The following GABRG3 variants were observed in gnomAD, a reference collection of about 807,000 sequenced individuals.
GABRG3 encodes the protein gamma-aminobutyric acid type A receptor subunit gamma3.
GABRG3 carries 25 observed loss-of-function variants against 48.8 expected under a neutral mutation model. That is an observed-to-expected ratio of 0.51 (90% confidence interval 0.37 to 0.72). GABRG3 has a LOEUF of 0.72. Ranked by LOEUF, GABRG3 falls within the 30% of genes least tolerant of loss-of-function variation. The pLI is 0.00. For missense variants in GABRG3, 394 were observed against 577.9 expected (o/e 0.68, Z 3.26); for synonymous variants, 227 against 217.6 (o/e 1.04, Z -0.38).
At chr15:27,138,265 A>T (rs2140387755) in intron 3 of GABRG3, among the ~76,000 whole-genome samples, 1 of 152,312 alleles carries the variant, frequency 6.6e-6, no homozygotes, top group East Asian at 1.9e-4. Flanking sequence ...TGGGTTAGTC[A>T]TGCCCCTTTT....
intron 3 of GABRG3, among the ~76,000 whole-genome samples, chr15:27,318,111 A>G (rs1893295089): frequency 6.6e-6 from 1 of 152,098 alleles, no homozygotes; most frequent in Non-Finnish European, 1.5e-5. Context: ...GCCCCATTCT[A>G]ATGCTCTCAT....
intron 5 of GABRG3, among the ~76,000 whole-genome samples, chr15:27,469,736 G>A (rs1333869134): frequency 5.9e-5 from 9 of 152,150 alleles, no homozygotes; most frequent in Non-Finnish European, 1.2e-4. Flanking sequence ...AGGTTTGGCT[G>A]ACTATATTCT....
rs78187203 is a variant in GABRG3, at chr15:27,174,341, A to G, written c.270+147520A>G. ...CTCATGGTATCATTTAACTTGTTCT[A>G]TTCCCCACATTTTCTGCATTTCATA... On this transcript the variant is annotated intron_variant, in intron 3 of 9. Coordinates refer to ENST00000615808, the MANE Select transcript of GABRG3 (RefSeq NM_033223.5). Among the ~76,000 whole-genome samples, 1,203 of 152,258 alleles carry G rather than the reference A, an allele frequency of 7.9e-3. 16 individuals are homozygous for G. The highest frequency in any genetic ancestry group is 0.028 in the African/African-American group (1,153 of 41,540).
intron 3 of GABRG3, among the ~76,000 whole-genome samples, chr15:27,035,335 A>G (rs1355112512): frequency 6.6e-6 from 1 of 152,206 alleles, no homozygotes; most frequent in Non-Finnish European, 1.5e-5. Flanking sequence ...ATTTAGGGAC[A>G]CTGAGATGTC....
chr15:27,283,642 C>T (rs1006981949), intron 3 of GABRG3, among the ~76,000 whole-genome samples: 1 of 152,056 alleles, frequency 6.6e-6, no homozygotes, highest in Non-Finnish European at 1.5e-5. Flanking sequence ...GCTATTTTTT[C>T]CCATTCCTTT....
chr15:27,506,900 G>A (rs568230064), intron 6 of GABRG3, among the ~76,000 whole-genome samples: 7 of 151,050 alleles, frequency 4.6e-5, no homozygotes, highest in Middle Eastern at 3.4e-3. Flanking sequence ...TCTTAAGGTG[G>A]TAGCTTAGAT....
chr15:26,971,748 C>T (rs1172866089), intron 1 of GABRG3, among the ~76,000 whole-genome samples, 160 bp downstream of exon 1: 1 of 152,184 alleles, frequency 6.6e-6, no homozygotes, highest in Non-Finnish European at 1.5e-5. Context: ...TCACCTGTCC[C>T]AGCTCCCTTG....
intron 3 of GABRG3, among the ~76,000 whole-genome samples, chr15:27,307,044 CAT>C (rs1405318088): frequency 8.8e-6 from 1 of 114,160 alleles, no homozygotes; most frequent in Non-Finnish European, 1.7e-5. Context: ...ATAAAATAAA[CAT>C]GTTTATATAT....
At chr15:26,997,022 CTG>C (rs1566903967) in intron 2 of GABRG3, among the ~76,000 whole-genome samples, 2 of 152,090 alleles carry the variant, frequency 1.3e-5, no homozygotes, top group African/African-American at 4.8e-5. Flanking sequence ...TCCTTTTTCT[CTG>C]TGTTTCAGAT....
At chr15:27,343,844 T>A (rs1014069287) in intron 5 of GABRG3, among the ~76,000 whole-genome samples, 1 of 152,258 alleles carries the variant, frequency 6.6e-6, no homozygotes, top group African/African-American at 2.4e-5. Context: ...AACAATCCAA[T>A]TATTATTTTT....
chr15:27,308,592 A>G lies in GABRG3; in HGVS notation c.271-18217A>G, dbSNP rs995668372. Among the ~76,000 whole-genome samples, 4 of 146,432 alleles carry G rather than the reference A, an allele frequency of 2.7e-5. No individual in the cohort carries two copies. In the East Asian group the frequency reaches 8.3e-4, roughly 30 times the overall value. On this transcript the variant is annotated intron_variant, in intron 3 of 9. Coordinates refer to ENST00000615808, the MANE Select transcript of GABRG3 (RefSeq NM_033223.5). ...AAACATAATGTAAACATACATTTAT[A>G]TATAAACATAATGTAAACATACGCT...
At chr15:27,489,685 G>T (rs1033740934) in intron 6 of GABRG3, among the ~76,000 whole-genome samples, 4 of 152,136 alleles carry the variant, frequency 2.6e-5, no homozygotes, top group Non-Finnish European at 5.9e-5. Context: ...TTTGGGAAGT[G>T]TCTGTTCATA....
At chr15:27,032,480 A>T (rs1896102707) in intron 3 of GABRG3, among the ~76,000 whole-genome samples, 1 of 152,216 alleles carries the variant, frequency 6.6e-6, no homozygotes, top group African/African-American at 2.4e-5. Context: ...CAAGCGTGGC[A>T]CCAGCATCTG....
Position 27,306,945 on chromosome 15 carries a change from T to TAGA in GABRG3, c.271-19863_271-19862insGAA, listed in dbSNP as rs1262765194. On this transcript the variant is annotated intron_variant, in intron 3 of 9. Transcript: ENST00000615808. ...ATAAACATGTTTATATATAAACATATATAATATAAACATGTTTATATATAA... is the reference window on the plus strand; with the variant it reads ...ATAAACATGTTTATATATAAACATATAGAATAATATAAACATGTTTATATATAA... Among the ~76,000 whole-genome samples, 877 of 118,122 alleles carry TAGA rather than the reference T, an allele frequency of 7.4e-3. 257 individuals carry two copies. The highest frequency in any genetic ancestry group is 0.011 in the Non-Finnish European group (608 of 56,454). 77.5% of individuals were successfully genotyped at this position (118,122 alleles called of 152,430 possible). A position where few individuals can be genotyped will look rare whatever the true frequency, so the allele number is the denominator to read the frequency against.
At chr15:26,985,207 G>A (rs935950523) in intron 2 of GABRG3, among the ~76,000 whole-genome samples, 1 of 152,190 alleles carries the variant, frequency 6.6e-6, no homozygotes, top group African/African-American at 2.4e-5. Context: ...ACCTGGGCAG[G>A]AATGCTGGAG....
chr15:27,122,532 T>A (rs1408196266), intron 3 of GABRG3, among the ~76,000 whole-genome samples: 1 of 152,216 alleles, frequency 6.6e-6, no homozygotes, highest in Non-Finnish European at 1.5e-5. Context: ...GGAGGAATTA[T>A]CCCTATGACT....
intron 5 of GABRG3, among the ~76,000 whole-genome samples, chr15:27,459,314 G>T (rs906468723): frequency 2.0e-5 from 3 of 152,176 alleles, no homozygotes; most frequent in African/African-American, 7.2e-5. Context: ...ATGGACAGCT[G>T]CATGCCTCAA....
At chr15:27,282,493 T>G (rs1257646260) in intron 3 of GABRG3, among the ~76,000 whole-genome samples, 3 of 152,224 alleles carry the variant, frequency 2.0e-5, no homozygotes, top group African/African-American at 4.8e-5. Flanking sequence ...CATTCTTCTA[T>G]TAAGCCCATT....
In GABRG3 at chr15:27,533,860, G is replaced by A. The variant is rs1393875448; in HGVS notation, c.*979G>A. Reference sequence around the variant, plus strand: ...TTTTATTTTATTTTTTTGAGACAGAGTCATGCTCTGTCACCTGGCCAGGCT... The same window carrying A: ...TTTTATTTTATTTTTTTGAGACAGAATCATGCTCTGTCACCTGGCCAGGCT... On this transcript the variant is annotated 3_prime_UTR_variant, in exon 10 of 10. Coordinates refer to ENST00000615808, the MANE Select transcript of GABRG3 (RefSeq NM_033223.5). The A allele has an allele frequency of 6.6e-6, 1 of 152,050 alleles. No homozygotes were observed. The allele number at this position is 152,050 out of a possible 1,614,324, so 9.4% of individuals were successfully genotyped here.
Sources: gnomAD v4.1 joint callset for allele counts (sites outside exome capture counted in the v4.1 genomes callset) on GRCh38, gnomAD v4.1.1 for gene constraint, MANE v1.5 for transcripts, NCBI Gene and HGNC (gene_info 2026-07-23, HGNC 2026-07-21) for gene names.